Variants in GTF2H1 observed in about 807,000 individuals in gnomAD.
GTF2H1 encodes BTF2 p62.
Under a neutral mutation model 71.2 loss-of-function variants are expected in GTF2H1, and 16 were observed. That is an observed-to-expected ratio of 0.22 (90% confidence interval 0.15 to 0.34). GTF2H1 has a LOEUF of 0.34. Among genes scored for constraint, GTF2H1 ranks in the 10% least tolerant of loss-of-function variants. GTF2H1 has a pLI of 1.00. For synonymous variants in GTF2H1, 215 were observed against 219.0 expected (o/e 0.98, Z 0.16); for missense variants, 498 against 648.2 (o/e 0.77, Z 2.52).
intron 14 of GTF2H1, among the ~76,000 whole-genome samples, chr11:18,363,114 T>C (rs1865744086): frequency 6.6e-6 from 1 of 152,158 alleles, no homozygotes; most frequent in Non-Finnish European, 1.5e-5. Flanking sequence ...CTGAAAAGTC[T>C]TCAGGGGCAG....
chr11:18,361,219 C>CGAG (rs1865688090), intron 14 of GTF2H1, among the ~76,000 whole-genome samples: 4 of 152,156 alleles, frequency 2.6e-5, no homozygotes, highest in African/African-American at 9.7e-5. Context: ...TGTCTGTTTA[C>CGAG]TCACCAATCA....
chr11:18,357,627 A>G (rs912086439), intron 11 of GTF2H1, among the ~76,000 whole-genome samples: 3 of 152,122 alleles, frequency 2.0e-5, no homozygotes, highest in Non-Finnish European at 4.4e-5. Flanking sequence ...CTTAAACTCA[A>G]TTTTACCTTC....
intron 14 of GTF2H1, among the ~76,000 whole-genome samples, chr11:18,361,707 C>A (rs1006220736): frequency 2.0e-5 from 3 of 152,138 alleles, no homozygotes; most frequent in Non-Finnish European, 4.4e-5. Flanking sequence ...CTGAAAAATA[C>A]ATATTACTAA....
intron 9 of GTF2H1, among the ~76,000 whole-genome samples, chr11:18,350,468 T>A (rs1252273116): frequency 2.0e-5 from 3 of 151,640 alleles, no homozygotes; most frequent in African/African-American, 4.8e-5. Flanking sequence ...TGAGTCTAGG[T>A]AAGGATGTGT....
chr11:18,344,171 C>T (rs145923058), intron 7 of GTF2H1, among the ~76,000 whole-genome samples: 12 of 134,284 alleles, frequency 8.9e-5, no homozygotes, highest in Admixed American at 1.5e-4. Flanking sequence ...CAACAAGCCT[C>T]GTACAATACA....
chr11:18,327,589 C>T (rs1411163842), intron 1 of GTF2H1, among the ~76,000 whole-genome samples: 1 of 152,152 alleles, frequency 6.6e-6, no homozygotes, highest in Non-Finnish European at 1.5e-5. Context: ...CAGAACCTGA[C>T]ACATTATTAA....
chr11:18,357,225 C>T (rs4150657), intron 11 of GTF2H1, among the ~76,000 whole-genome samples: 5,050 of 152,238 alleles, frequency 0.033, 272 homozygotes, highest in African/African-American at 0.11. Flanking sequence ...ATAGCAGTGC[C>T]TCCCTACAGT....
At chr11:18,335,693 C>CTG in intron 2 of GTF2H1, 61 bp from the exon 3 acceptor site, 1 of 1,207,192 alleles carries the variant, frequency 8.3e-7, no homozygotes, top group Non-Finnish European at 1.2e-6. Flanking sequence ...AAGTAACTTA[C>CTG]TGTATGGTTA....
At chr11:18,337,967 C>T (rs547293912) in intron 3 of GTF2H1, 142 bp from the exon 4 acceptor site, 7 of 561,466 alleles carry the variant, frequency 1.2e-5, no homozygotes, top group Non-Finnish European at 2.2e-5. Context: ...GAAAAGTGAA[C>T]TGAAGGACCT....
At chr11:18,351,512 TA>T (rs1865424116) in intron 9 of GTF2H1, 1 of 153,306 alleles carries the variant, frequency 6.5e-6, no homozygotes, top group Non-Finnish European at 1.5e-5. Context: ...TTACAACATG[TA>T]AAAGACTGTT....
At chr11:18,342,918 GT>G (rs1395029091) in intron 7 of GTF2H1, among the ~76,000 whole-genome samples, 3 of 151,888 alleles carry the variant, frequency 2.0e-5, no homozygotes, top group Non-Finnish European at 4.4e-5. Flanking sequence ...TTTTTGTTTT[GT>G]TTTGTTTTGT....
chr11:18,358,726 C>T, intron 13 of GTF2H1, 86 bp downstream of exon 13: 2 of 781,958 alleles, frequency 2.6e-6, no homozygotes, highest in South Asian at 1.5e-5. Context: ...TTGAGTCTTA[C>T]CATGTGACAG....
At chr11:18,343,116 T>A (rs1251760088) in intron 7 of GTF2H1, among the ~76,000 whole-genome samples, 1 of 152,142 alleles carries the variant, frequency 6.6e-6, no homozygotes, top group Non-Finnish European at 1.5e-5. Context: ...CAGGCGGGGT[T>A]TCATCATGTT....
chr11:18,359,903 C>T (rs1157142398), intron 13 of GTF2H1, among the ~76,000 whole-genome samples: 1 of 151,528 alleles, frequency 6.6e-6, no homozygotes, highest in Non-Finnish European at 1.5e-5. Context: ...AGGCAGATCG[C>T]TTGAGCTCAG....
At position 18,366,042 on chromosome 11, in the gene GTF2H1, G is replaced by A; in HGVS notation, c.*173G>A. ...TGTACTTGCACATTGGAGACTGAAA[G>A]GAAAGAAGGGACTAAATGCTGGGGA... On this transcript the variant is annotated 3_prime_UTR_variant, in exon 15 of 15. Coordinates refer to ENST00000265963, the MANE Select transcript of GTF2H1 (RefSeq NM_005316.4). 1.7e-6 allele frequency: 1 copy of A among 587,120 alleles called. No homozygotes were observed. The highest frequency in any genetic ancestry group is 3.0e-5 in the Admixed American group (1 of 33,228). 36.4% of individuals were successfully genotyped at this position (587,120 alleles called of 1,614,324 possible). A position where few individuals can be genotyped will look rare whatever the true frequency, so the allele number is the denominator to read the frequency against.
At chr11:18,360,146 T>TG (rs1317553468) in intron 13 of GTF2H1, among the ~76,000 whole-genome samples, 7 of 150,838 alleles carry the variant, frequency 4.6e-5, no homozygotes, top group African/African-American at 1.5e-4. Flanking sequence ...TTTTTTGAGA[T>TG]GGAGTCTCAC....
intron 1 of GTF2H1, 47 bp from the exon 2 acceptor site, chr11:18,333,013 T>C: frequency 7.4e-7 from 1 of 1,356,200 alleles, no homozygotes; most frequent in Admixed American, 2.2e-5. Flanking sequence ...TCAACCCTAA[T>C]TGATGTGTGG....
intron 8 of GTF2H1, 38 bp downstream of exon 8, chr11:18,347,753 T>G: frequency 1.2e-6 from 2 of 1,605,642 alleles, no homozygotes; most frequent in Non-Finnish European, 1.7e-6. Context: ...ACTGGGCTTT[T>G]CAGGATATCC....
At chr11:18,349,095 A>G (rs189217809) in intron 9 of GTF2H1, among the ~76,000 whole-genome samples, 41 of 152,242 alleles carry the variant, frequency 2.7e-4, no homozygotes, top group South Asian at 6.2e-4. Flanking sequence ...GAGTTTTGCC[A>G]TATTGGCCAG....
Sources: gnomAD v4.1 joint callset for allele counts (sites outside exome capture counted in the v4.1 genomes callset) on GRCh38, gnomAD v4.1.1 for gene constraint, MANE v1.5 for transcripts, NCBI Gene and HGNC (gene_info 2026-07-23, HGNC 2026-07-21) for gene names.